The following NUP88 variants were observed in gnomAD, a reference collection of about 807,000 sequenced individuals.
NUP88 encodes nucleoporin 88.
Under a neutral mutation model 93.9 loss-of-function variants are expected in NUP88, and 57 were observed. That is an observed-to-expected ratio of 0.61 (90% CI 0.49 to 0.76). The LOEUF (loss-of-function observed/expected upper bound fraction) is 0.76, where lower values mean the gene tolerates loss of function less well. Among genes scored for constraint, NUP88 ranks in the 30% least tolerant of loss-of-function variants. The probability of loss-of-function intolerance (pLI) is 0.00; values close to 1 mark genes in which losing one functional copy is unlikely to be tolerated. For synonymous variants in NUP88, 346 were observed against 336.8 expected, an observed-to-expected ratio of 1.03 and a Z score of -0.30; for missense variants, 911 against 901.0, an observed-to-expected ratio of 1.01 and a Z score of -0.14.
intron 8 of NUP88, among the ~76,000 whole-genome samples, chr17:5,397,763 A>G (rs1912868877): frequency 2.0e-5 from 3 of 152,236 alleles, no homozygotes; most frequent in Admixed American, 2.0e-4. Context: ...AGTTTTTTGT[A>G]GATGAAAAGT....
rs1268080598 is a variant in NUP88, at chr17:5,386,342, T to G, written c.2163-73A>C. 3 of 1,177,402 alleles carry G rather than the reference T, an allele frequency of 2.5e-6. No homozygotes were observed. The African/African-American group carries it at 4.6e-5, about 18-fold the overall frequency. 72.9% of individuals were successfully genotyped at this position (1,177,402 alleles called of 1,614,324 possible). On this transcript the variant is annotated intron_variant, in intron 16 of 16. Coordinates refer to ENST00000573584, the MANE Select transcript of NUP88 (RefSeq NM_002532.6). ...TATATGGATTCTTAAGAATTTAAAC[T>G]GGTAATGTTGAAACATCTAAGAACT...
chr17:5,411,926 T>C (rs183820002), intron 3 of NUP88, among the ~76,000 whole-genome samples: 26 of 152,296 alleles, frequency 1.7e-4, no homozygotes, highest in Admixed American at 1.6e-3. Context: ...CCTAGGTTCC[T>C]ACAAGCGTTA....
intron 11 of NUP88, chr17:5,388,564 A>G: frequency 5.3e-6 from 2 of 374,512 alleles, no homozygotes; most frequent in East Asian, 4.9e-5. Context: ...CTGAGATTAC[A>G]GGTGTGAGCC....
At chr17:5,393,416 A>ATTTTCC (rs1233316242) in intron 9 of NUP88, among the ~76,000 whole-genome samples, 1 of 129,044 alleles carries the variant, frequency 7.7e-6, no homozygotes, top group Non-Finnish European at 1.7e-5. Flanking sequence ...TTTATTATGT[A>ATTTTCC]TTTTCCTTGT....
At chr17:5,412,675 C>T (rs1171654181) in intron 3 of NUP88, among the ~76,000 whole-genome samples, 1 of 151,978 alleles carries the variant, frequency 6.6e-6, no homozygotes, top group East Asian at 1.9e-4. Flanking sequence ...CATACACACA[C>T]ACAAACACAC....
chr17:5,387,238 CCTCATGTT>C (rs1912060454), intron 14 of NUP88, 128 bp from the exon 15 acceptor site: 3 of 1,281,678 alleles, frequency 2.3e-6, no homozygotes, highest in Non-Finnish European at 3.3e-6. Flanking sequence ...TAGGGGAGAG[CCTCATGTT>C]TTCCCCAACA....
rs778678715 is a variant in NUP88 at position 5,391,588 on chromosome 17, G to A, written c.1457C>T (p.Thr486Ile). 2 of 1,613,926 alleles carry A rather than the reference G, an allele frequency of 1.2e-6. No homozygotes were observed. Among genetic ancestry groups the A allele is most frequent in the Non-Finnish European group, 1.7e-6 (2 of 1,179,786 alleles). The change falls in exon 10 of 17, where the codon ACC becomes ATC. Residue 486 changes from threonine to isoleucine, a missense_variant. Coordinates refer to ENST00000573584, the MANE Select transcript of NUP88 (RefSeq NM_002532.6). ...LGPTMICITSTYECLIWPLLS... is the reference protein window; with the variant it reads ...LGPTMICITSIYECLIWPLLS... ...TAACGGCCATATGAGGCATTCATAG[G>A]TACTGGTGATGCAGATCATCGTGGG...
intron 2 of NUP88, among the ~76,000 whole-genome samples, chr17:5,415,547 A>G (rs766409276): frequency 6.6e-6 from 1 of 152,224 alleles, no homozygotes; most frequent in Non-Finnish European, 1.5e-5. Context: ...TAAGTTGCGG[A>G]GCTAAAAGCA....
chr17:5,399,785 T>C (rs995883948), intron 7 of NUP88, 135 bp from the exon 8 acceptor site: 3 of 490,086 alleles, frequency 6.1e-6, no homozygotes, highest in African/African-American at 6.0e-5. Context: ...ACTTTCATAT[T>C]GTTAGGGGTT....
At chr17:5,402,644 G>A (rs1597324132) in intron 7 of NUP88, among the ~76,000 whole-genome samples, 1 of 152,250 alleles carries the variant, frequency 6.6e-6, no homozygotes, top group African/African-American at 2.4e-5. Flanking sequence ...AAGGAGAGTA[G>A]GTCAAACTGC....
intron 1 of NUP88, 77 bp from the exon 2 acceptor site, chr17:5,416,759 ATACT>A (rs1179228147): frequency 2.6e-6 from 3 of 1,161,396 alleles, no homozygotes; most frequent in African/African-American, 2.0e-5. Context: ...AATCACAGTA[ATACT>A]TAGTTTACTA....
chr17:5,388,993 A>G, intron 10 of NUP88, 33 bp from the exon 11 acceptor site: 1 of 1,541,670 alleles, frequency 6.5e-7, no homozygotes. Context: ...GAATTCTACC[A>G]TGGAGTGATT....
intron 7 of NUP88, among the ~76,000 whole-genome samples, chr17:5,403,461 A>G (rs1913289031): frequency 6.6e-6 from 1 of 152,178 alleles, no homozygotes; most frequent in African/African-American, 2.4e-5. Flanking sequence ...TGGGCAACAG[A>G]GCGAGACTCC....
intron 10 of NUP88, chr17:5,391,353 G>A (rs1195322131): frequency 3.9e-6 from 2 of 511,636 alleles, no homozygotes. Flanking sequence ...TCTCAGCTAG[G>A]TGCAGGGGAT....
chr17:5,401,294 A>T (rs1913147024), intron 7 of NUP88, among the ~76,000 whole-genome samples: 1 of 152,176 alleles, frequency 6.6e-6, no homozygotes, highest in Non-Finnish European at 1.5e-5. Context: ...GAGGCAGAAG[A>T]ATCGCTCGAA....
At chr17:5,409,502 A>G (rs2151645261) in intron 4 of NUP88, among the ~76,000 whole-genome samples, 1 of 152,318 alleles carries the variant, frequency 6.6e-6, no homozygotes, top group Non-Finnish European at 1.5e-5. Flanking sequence ...AATTTATTAT[A>G]TACACACACA....
chr17:5,387,483 CAA>C lies in NUP88; in HGVS notation c.1836-19_1836-18del, dbSNP rs765161335. On this transcript the variant is annotated intron_variant, in intron 13 of 16. Transcript: ENST00000573584. Reference sequence around the variant, plus strand: ...AGACTTTTCCTAATGATGTAAGACACAAGAGACTCTTGAGGTCCACCCCTTGA... The same window carrying C: ...AGACTTTTCCTAATGATGTAAGACACGAGACTCTTGAGGTCCACCCCTTGA... 1.9e-5 allele frequency: 30 copies of C among 1,613,200 alleles called. No individual in the cohort carries two copies. The highest frequency in any genetic ancestry group is 9.3e-5 in the African/African-American group (7 of 75,048).
intron 1 of NUP88, among the ~76,000 whole-genome samples, chr17:5,417,758 G>C (rs1355549105): frequency 1.3e-5 from 2 of 152,074 alleles, no homozygotes; most frequent in Non-Finnish European, 2.9e-5. Flanking sequence ...AGAATCGCTT[G>C]AATCCATGAG....
intron 9 of NUP88, 76 bp from the exon 10 acceptor site, chr17:5,391,738 G>A (rs1440457126): frequency 1.4e-5 from 17 of 1,240,128 alleles, no homozygotes; most frequent in African/African-American, 5.9e-5. Context: ...TGACAGGTCC[G>A]CGGCCTTCTC....
Sources: allele counts gnomAD v4.1 joint callset (sites outside exome capture counted in the v4.1 genomes callset), GRCh38; gene constraint gnomAD v4.1.1; transcripts MANE v1.5; gene names NCBI Gene and HGNC (gene_info 2026-07-23, HGNC 2026-07-21).